The following DGKZ variants were observed in gnomAD, a reference collection of about 807,000 sequenced individuals.
DGKZ encodes diacylglycerol kinase zeta.
In DGKZ, 45 loss-of-function variants were observed where a neutral mutation model predicts 142.5. The ratio of observed to expected loss-of-function variants is 0.32; its 90% CI spans 0.25 to 0.40. The LOEUF (loss-of-function observed/expected upper bound fraction) is 0.40. DGKZ is among the 10% of genes least tolerant of loss of function. The probability of loss-of-function intolerance (pLI) is 1.00; values close to 1 mark genes in which losing one functional copy is unlikely to be tolerated. For synonymous variants in DGKZ, 442 were observed against 527.0 expected, an observed-to-expected ratio of 0.84 and a Z score of 2.21; for missense variants, 755 against 1,306.5, an observed-to-expected ratio of 0.58 and a Z score of 6.51.
At chr11:46,354,454 C>T (rs554712763) in intron 1 of DGKZ, among the ~76,000 whole-genome samples, 3 of 152,352 alleles carry the variant, frequency 2.0e-5, no homozygotes, top group African/African-American at 7.2e-5. Context: ...CCTTGGCCTC[C>T]TGAGTTGCTG....
intron 1 of DGKZ, among the ~76,000 whole-genome samples, chr11:46,336,681 C>G (rs1940031928): frequency 6.6e-6 from 1 of 152,134 alleles, no homozygotes; most frequent in African/African-American, 2.4e-5. Flanking sequence ...GTGATCCTCC[C>G]ACCTCAGCCT....
intron 1 of DGKZ, chr11:46,364,241 C>T (rs1234909045): frequency 4.7e-5 from 32 of 686,868 alleles, no homozygotes; most frequent in Non-Finnish European, 6.2e-5. Context: ...GGACTCTAGG[C>T]GGTCACCTCT....
At chr11:46,377,312 T>A in intron 25 of DGKZ, 100 bp downstream of exon 25, 1 of 1,452,364 alleles carries the variant, frequency 6.9e-7, no homozygotes, top group East Asian at 2.6e-5. Context: ...ACCAGTTAAC[T>A]AAATGGTGTC....
chr11:46,365,034 C>T, intron 1 of DGKZ: 1 of 985,450 alleles, frequency 1.0e-6, no homozygotes, highest in Non-Finnish European at 1.2e-6. Flanking sequence ...TGCCCTTCCC[C>T]CACTGTTAGG....
At chr11:46,377,005 C>T in intron 24 of DGKZ, 68 bp from the exon 25 acceptor site, 1 of 1,430,630 alleles carries the variant, frequency 7.0e-7, no homozygotes, top group South Asian at 1.2e-5. Flanking sequence ...TCCAGGTCTA[C>T]CAGCCTTGCT....
At chr11:46,333,453 C>A in exon 1 of DGKZ, 1 of 1,536,804 alleles carries the variant, frequency 6.5e-7, no homozygotes, top group African/African-American at 1.4e-5. Context: ...GGAGCGTTTC[C>A]GCCAGCTGCA....
upstream of DGKZ, chr11:46,345,242 G>C (rs1590385367): frequency 2.2e-6 from 3 of 1,349,548 alleles, no homozygotes; most frequent in South Asian, 5.8e-5. The surrounding 1 kb of genome is among the most constrained non-coding windows in gnomAD (Gnocchi z 4.1). Context: ...CCTGCCCCTT[G>C]CTTTCTTGTG....
intron 1 of DGKZ, among the ~76,000 whole-genome samples, chr11:46,355,474 A>G (rs555780940): frequency 6.6e-6 from 1 of 152,306 alleles, no homozygotes; most frequent in East Asian, 1.9e-4. Flanking sequence ...TTTCTCCTTC[A>G]AGCCTGCAAC....
intron 1 of DGKZ, chr11:46,366,509 C>T (rs747228122): frequency 9.4e-6 from 15 of 1,588,270 alleles, no homozygotes; most frequent in African/African-American, 4.0e-5. Context: ...CTGCAACCCC[C>T]GCTTCATCGT....
chr11:46,369,136 A>G (rs1350211624), intron 4 of DGKZ: 1 of 341,566 alleles, frequency 2.9e-6, no homozygotes, highest in Admixed American at 4.3e-5. Context: ...AGATCGCACC[A>G]CTGCACTCCA....
intron 1 of DGKZ, among the ~76,000 whole-genome samples, chr11:46,356,348 A>C (rs2136424770): frequency 6.6e-6 from 1 of 152,226 alleles, no homozygotes; most frequent in South Asian, 2.1e-4. Context: ...CTCTGTGCCC[A>C]CCTGAAGCCT....
chr11:46,370,171 C>A (rs1226416392), intron 6 of DGKZ, among the ~76,000 whole-genome samples, 162 bp downstream of exon 6: 1 of 152,262 alleles, frequency 6.6e-6, no homozygotes, highest in Non-Finnish European at 1.5e-5. Flanking sequence ...AGCACCCTGG[C>A]CTGCTCTTGG....
chr11:46,343,968 T>A (rs1261621689), upstream of DGKZ, among the ~76,000 whole-genome samples: 2 of 151,920 alleles, frequency 1.3e-5, no homozygotes, highest in Non-Finnish European at 1.5e-5. Context: ...TTTTTTTTTT[T>A]AGACAGAGTC....
At chr11:46,378,659 C>G in intron 27 of DGKZ, 159 bp downstream of exon 27, 3 of 1,032,734 alleles carry the variant, frequency 2.9e-6, no homozygotes, top group Non-Finnish European at 4.4e-6. Context: ...TTCCACTTCA[C>G]TGTATCTCTG....
intron 1 of DGKZ, chr11:46,364,684 T>C (rs1436547968): frequency 4.1e-6 from 4 of 985,320 alleles, no homozygotes; most frequent in Non-Finnish European, 4.8e-6. Flanking sequence ...AGCAAATCAG[T>C]GCAGTGTATG....
At chr11:46,369,188 C>CAAAAACA in intron 4 of DGKZ, 2 of 415,352 alleles carry the variant, frequency 4.8e-6, no homozygotes, top group East Asian at 9.4e-5. Context: ...AAAACAAAAA[C>CAAAAACA]AAAAAAAAAA....
intron 1 of DGKZ, chr11:46,366,355 C>T (rs977836852): frequency 6.5e-7 from 1 of 1,533,446 alleles, no homozygotes; most frequent in Non-Finnish European, 8.7e-7. Flanking sequence ...CAGGCAAGGC[C>T]CGGCGTCGCT....
chr11:46,379,487 C>T (rs1291798483), exon 30 of DGKZ: 12 of 1,610,674 alleles, frequency 7.5e-6, no homozygotes, highest in Non-Finnish European at 1.0e-5. Flanking sequence ...CCTGTTTGCA[C>T]CAAGCAGCGG....
At chr11:46,351,429 C>G (rs1941365426) in intron 1 of DGKZ, among the ~76,000 whole-genome samples, 1 of 152,208 alleles carries the variant, frequency 6.6e-6, no homozygotes, top group Non-Finnish European at 1.5e-5. Flanking sequence ...GAGGCACTGC[C>G]ACACGGCCCC....
Sources: gnomAD v4.1 joint callset for allele counts (sites outside exome capture counted in the v4.1 genomes callset) on GRCh38, gnomAD v4.1.1 for gene constraint, Gnocchi (gnomAD v3.1) non-coding constraint, MANE v1.5 for transcripts, NCBI Gene and HGNC (gene_info 2026-07-23, HGNC 2026-07-21) for gene names.